TATDN1: variants seen among roughly 807,000 people sequenced by gnomAD.
The protein encoded by TATDN1 is deoxyribonuclease TATDN1.
TATDN1 carries 40 observed loss-of-function variants against 46.4 expected under a neutral mutation model. The observed-to-expected ratio is 0.86, with a 90% CI of 0.67 to 1.12. TATDN1 has a LOEUF of 1.12. Among genes scored for constraint, TATDN1 ranks in the 50% most tolerant of loss-of-function variants. The pLI is 0.00. For missense variants in TATDN1, 326 were observed against 348.4 expected (o/e 0.94, Z 0.51); for synonymous variants, 95 against 105.6 (o/e 0.90, Z 0.62).
intron 9 of TATDN1, among the ~76,000 whole-genome samples, chr8:124,497,929 G>A (rs562989209): frequency 6.6e-6 from 1 of 152,134 alleles, no homozygotes; most frequent in Non-Finnish European, 1.5e-5. Flanking sequence ...CCCTAGCTTC[G>A]TCCAATGGTG....
At chr8:124,517,967 T>C (rs1159883370) in intron 4 of TATDN1, among the ~76,000 whole-genome samples, 2 of 152,034 alleles carry the variant, frequency 1.3e-5, no homozygotes, top group Non-Finnish European at 2.9e-5. Flanking sequence ...ATCCCAGCGC[T>C]TTGGGAGGCC....
intron 9 of TATDN1, among the ~76,000 whole-genome samples, chr8:124,499,957 G>C (rs965072339): frequency 2.0e-5 from 3 of 151,572 alleles, no homozygotes; most frequent in African/African-American, 7.3e-5. Flanking sequence ...CGATTCTCCT[G>C]CCTCAGCCTC....
chr8:124,494,164 TC>T (rs1817259647), intron 10 of TATDN1: 1 of 385,426 alleles, frequency 2.6e-6, no homozygotes, highest in African/African-American at 2.1e-5. Flanking sequence ...TCACTTCTAT[TC>T]CTTTTTTCTG....
At chr8:124,518,190 C>CGACA (rs1169779663) in intron 4 of TATDN1, among the ~76,000 whole-genome samples, 1 of 100,360 alleles carries the variant, frequency 1.0e-5, no homozygotes, top group Non-Finnish European at 1.8e-5. Flanking sequence ...CTAGCCTGGG[C>CGACA]GACAGAGTGA....
At chr8:124,495,573 G>A in intron 9 of TATDN1, 31 bp from the exon 10 acceptor site, 3 of 1,535,228 alleles carry the variant, frequency 2.0e-6, no homozygotes, top group Non-Finnish European at 2.7e-6. Flanking sequence ...TATTTTAAAA[G>A]GCAGCAATTA....
intron 6 of TATDN1, among the ~76,000 whole-genome samples, chr8:124,513,500 T>C (rs1271616982): frequency 1.3e-5 from 2 of 152,230 alleles, no homozygotes; most frequent in African/African-American, 4.8e-5. Flanking sequence ...TTGGTAATCA[T>C]TTACTGAATG....
chr8:124,538,189 G>A (rs1586701541), intron 1 of TATDN1: 1 of 152,026 alleles, frequency 6.6e-6, no homozygotes, highest in African/African-American at 2.4e-5. Flanking sequence ...CTCTACTACC[G>A]GCCATGAACA....
intron 1 of TATDN1, among the ~76,000 whole-genome samples, chr8:124,530,432 C>T (rs1388900604): frequency 1.3e-5 from 2 of 152,164 alleles, no homozygotes; most frequent in African/African-American, 4.8e-5. Context: ...CCATTCTCTG[C>T]ATTGAGACAA....
At chr8:124,521,161 G>A in intron 3 of TATDN1, among the ~76,000 whole-genome samples, 1 of 152,064 alleles carries the variant, frequency 6.6e-6, no homozygotes, top group East Asian at 1.9e-4. Flanking sequence ...AAGACTCCAG[G>A]TTATAAAGCT....
chr8:124,538,270 G>T (rs1454531270), intron 1 of TATDN1: 2 of 152,220 alleles, frequency 1.3e-5, no homozygotes, highest in African/African-American at 4.8e-5. Flanking sequence ...TTAAGCTCTT[G>T]AAATGCTTCC....
At chr8:124,514,025 AAAT>A (rs1819248067) in intron 6 of TATDN1, among the ~76,000 whole-genome samples, 1 of 152,244 alleles carries the variant, frequency 6.6e-6, no homozygotes, top group African/African-American at 2.4e-5. Context: ...GCAAATCAGC[AAAT>A]AATATACCAC....
chr8:124,493,708 G>A, intron 11 of TATDN1, 125 bp downstream of exon 11: 2 of 1,063,714 alleles, frequency 1.9e-6, no homozygotes, highest in Non-Finnish European at 2.7e-6. Flanking sequence ...CATTAATATG[G>A]TGGTCTTGAA....
intron 1 of TATDN1, among the ~76,000 whole-genome samples, chr8:124,536,996 A>G (rs1170929088): frequency 6.6e-6 from 1 of 152,156 alleles, no homozygotes; most frequent in East Asian, 1.9e-4. Context: ...AACTTTTAAT[A>G]TGGTTACTTT....
intron 6 of TATDN1, 76 bp from the exon 7 acceptor site, chr8:124,508,764 C>A (rs1818742264): frequency 2.2e-6 from 2 of 916,710 alleles, no homozygotes; most frequent in South Asian, 2.0e-5. Context: ...GTCAAAAGAG[C>A]TTTTAAATTA....
At chr8:124,509,937 C>G (rs1818857670) in intron 6 of TATDN1, among the ~76,000 whole-genome samples, 1 of 149,974 alleles carries the variant, frequency 6.7e-6, no homozygotes, top group African/African-American at 2.5e-5. Context: ...ATTCGGCAGG[C>G]ATGAGAATCT....
At chr8:124,497,768 C>G (rs1817607565) in intron 9 of TATDN1, among the ~76,000 whole-genome samples, 1 of 152,096 alleles carries the variant, frequency 6.6e-6, no homozygotes, top group Non-Finnish European at 1.5e-5. Flanking sequence ...CATAATTCAC[C>G]AGGAGCTAGA....
intron 9 of TATDN1, among the ~76,000 whole-genome samples, chr8:124,497,759 A>G (rs1817607030): frequency 6.6e-6 from 1 of 152,218 alleles, no homozygotes; most frequent in Non-Finnish European, 1.5e-5. Context: ...TGCCCAATGC[A>G]TAATTCACCA....
intron 3 of TATDN1, among the ~76,000 whole-genome samples, chr8:124,519,198 C>T (rs62527910): frequency 0.15 from 23,381 of 152,198 alleles, 2,276 homozygotes; most frequent in Admixed American, 0.24. Flanking sequence ...GTTATGAAAG[C>T]GTGAATAACG....
chr8:124,507,585 C>T (rs554572850), intron 8 of TATDN1, among the ~76,000 whole-genome samples: 1 of 152,168 alleles, frequency 6.6e-6, no homozygotes, highest in South Asian at 2.1e-4. Context: ...AGTTCGAGAT[C>T]AGCCTAGGCA....
Sources: gnomAD v4.1 joint callset for allele counts (sites outside exome capture counted in the v4.1 genomes callset) on GRCh38, gnomAD v4.1.1 for gene constraint, MANE v1.5 for transcripts, NCBI Gene and HGNC (gene_info 2026-07-23, HGNC 2026-07-21) for gene names.